COL4A5: variants seen among roughly 807,000 people sequenced by gnomAD.
The protein encoded by COL4A5 is collagen alpha-5(IV) chain.
Under a neutral mutation model 130.2 loss-of-function variants are expected in COL4A5, and 26 were observed. The observed-to-expected ratio is 0.20, with a 90% CI of 0.15 to 0.28. The LOEUF is 0.28. Ranked by LOEUF, COL4A5 falls within the 10% of genes least tolerant of loss-of-function variation. COL4A5 has a pLI of 1.00. For missense variants in COL4A5, 1,131 were observed against 1,344.3 expected, an observed-to-expected ratio of 0.84 and a Z score of 2.48; for synonymous variants, 496 against 439.6, an observed-to-expected ratio of 1.13 and a Z score of -1.60.
At chrX:108,498,216 G>A (rs921987402) in intron 1 of COL4A5, among the ~76,000 whole-genome samples, 1 of 110,721 alleles carries the variant, frequency 9.0e-6, no homozygotes, top group Non-Finnish European at 1.9e-5. Context: ...TTAAAATATG[G>A]GTATACTGTT....
intron 1 of COL4A5, among the ~76,000 whole-genome samples, chrX:108,474,947 T>C (rs1164139617): frequency 9.0e-6 from 1 of 111,637 alleles, no homozygotes; most frequent in Non-Finnish European, 1.9e-5. Context: ...TCTTATTCCA[T>C]TGGTTGATAT....
rs56224167 is a variant in COL4A5 at position 108,576,247 on chromosome X, A to G, written c.609+275A>G. ...TCTTGATGTATCAGTGTTGAAGTCAATTCTGGCCATTTCAGAAAGTCTTTT... is the reference window on the plus strand; with the variant it reads ...TCTTGATGTATCAGTGTTGAAGTCAGTTCTGGCCATTTCAGAAAGTCTTTT... On this transcript the variant is annotated intron_variant, in intron 10 of 52. Transcript: ENST00000328300. 6.8e-3 allele frequency among the ~76,000 whole-genome samples: 763 copies of G among 112,020 alleles called. 5 individuals carry two copies. Among genetic ancestry groups the G allele is most frequent in the Non-Finnish European group, 0.011 (574 of 53,171 alleles).
rs377027508 is a variant in COL4A5 at position 108,665,592 on chromosome X, G to T, written c.3454+5G>T. The T allele has an allele frequency of 2.6e-6, 3 of 1,167,456 alleles. No individual in the cohort carries two copies. The highest frequency in any genetic ancestry group is 3.5e-5 in the African/African-American group (2 of 56,534). On this transcript the variant is annotated splice_donor_5th_base_variant and intron_variant, in intron 38 of 52. Coordinates refer to ENST00000328300, the MANE Select transcript of COL4A5 (RefSeq NM_033380.3). ...CAGGAGAACCTGGTCCTGTAGGTAAGCATGAAAAATAACAGTTTGCTGTTT... is the reference window on the plus strand; with the variant it reads ...CAGGAGAACCTGGTCCTGTAGGTAATCATGAAAAATAACAGTTTGCTGTTT...
intron 47 of COL4A5, among the ~76,000 whole-genome samples, chrX:108,683,245 G>A (rs760793172): frequency 6.6e-4 from 74 of 111,289 alleles, no homozygotes; most frequent in African/African-American, 2.3e-3. Context: ...TGTTCCATTG[G>A]TCTATATATC....
rs185744758 is a variant in COL4A5, at chrX:108,549,567, T to G, written c.142-9497T>G. Among the ~76,000 whole-genome samples, 3 of 111,190 alleles carry G rather than the reference T, an allele frequency of 2.7e-5. No homozygotes were observed. The Admixed American group carries it at 2.9e-4, about 11-fold the overall frequency. ...GTTACATATTGTTGAAAACTGAAAATTTTGGAATGGGGTTAAAGCAGGGCA... is the reference window on the plus strand; with the variant it reads ...GTTACATATTGTTGAAAACTGAAAAGTTTGGAATGGGGTTAAAGCAGGGCA... On this transcript the variant is annotated intron_variant, in intron 2 of 52. Coordinates refer to ENST00000328300, the MANE Select transcript of COL4A5 (RefSeq NM_033380.3).
intron 36 of COL4A5, among the ~76,000 whole-genome samples, chrX:108,646,602 A>G (rs2067595517): frequency 9.0e-6 from 1 of 111,345 alleles, no homozygotes; most frequent in African/African-American, 3.3e-5. Context: ...CCATTTGTCA[A>G]TTTTGGCTTT....
At chrX:108,635,881 A>G (rs1446410638) in intron 36 of COL4A5, among the ~76,000 whole-genome samples, 1 of 112,628 alleles carries the variant, frequency 8.9e-6, no homozygotes, top group Admixed American at 9.4e-5. Context: ...CAGAAGCAGA[A>G]AACCAAATAG....
At chrX:108,628,862 C>T (rs1350620302) in intron 36 of COL4A5, among the ~76,000 whole-genome samples, 1 of 111,826 alleles carries the variant, frequency 8.9e-6, no homozygotes, top group Non-Finnish European at 1.9e-5. Flanking sequence ...CTGAACAAAA[C>T]AGACAAACTT....
chrX:108,472,573 A>G (rs1002822493), intron 1 of COL4A5, among the ~76,000 whole-genome samples: 4 of 111,807 alleles, frequency 3.6e-5, no homozygotes, highest in Non-Finnish European at 7.5e-5. Flanking sequence ...AATAAATAAT[A>G]TTGTTGTCTT....
Position 108,686,123 on chromosome X carries a change from C to G in COL4A5, c.4309C>G (p.Gln1437Glu), listed in dbSNP as rs143778018. 6.9e-5 allele frequency: 83 copies of G among 1,204,857 alleles called. 1 individual carries two copies. The highest frequency in any genetic ancestry group is 5.6e-4 in the East Asian group (19 of 33,675). Residue 1437 changes from glutamine to glutamate, a missense_variant, in exon 48 of 53, where the codon CAG becomes GAG. Transcript: ENST00000328300. ...CAAAGGAGACCCAGGTCTGCCAGGA[C>G]AGCCAGGTAAGACAAGTAAAACATG... ...GRKGDPGLPG[Q>E]PGTRGLDGPP...
intron 1 of COL4A5, among the ~76,000 whole-genome samples, chrX:108,516,609 G>T: frequency 9.0e-6 from 1 of 111,376 alleles, no homozygotes; most frequent in South Asian, 3.8e-4. Flanking sequence ...ATAAAATTAA[G>T]GTTCATCTTA....
chrX:108,524,942 T>C (rs1171188860), intron 1 of COL4A5, among the ~76,000 whole-genome samples: 1 of 111,804 alleles, frequency 8.9e-6, no homozygotes, highest in Admixed American at 9.5e-5. Flanking sequence ...TTCTATGCAT[T>C]CTTGAGAAAA....
chrX:108,565,379 T>G (rs898068507), intron 4 of COL4A5, among the ~76,000 whole-genome samples: 1 of 112,304 alleles, frequency 8.9e-6, no homozygotes, highest in African/African-American at 3.2e-5. Flanking sequence ...ATTTTGATAG[T>G]TTTGTTTAAC....
intron 1 of COL4A5, among the ~76,000 whole-genome samples, chrX:108,500,404 C>T (rs1355573013): frequency 8.9e-6 from 1 of 111,907 alleles, no homozygotes; most frequent in African/African-American, 3.3e-5. Flanking sequence ...ATTGTCACAG[C>T]AAAATGCATT....
At chrX:108,659,588 A>G (rs1053103813) in intron 37 of COL4A5, among the ~76,000 whole-genome samples, 3 of 110,468 alleles carry the variant, frequency 2.7e-5, no homozygotes, top group African/African-American at 9.8e-5. Context: ...TTAGGTATAT[A>G]TAAATTCAGG....
chrX:108,440,629 C>G (rs1358463693), intron 1 of COL4A5: 3 of 142,714 alleles, frequency 2.1e-5, no homozygotes, highest in African/African-American at 9.6e-5. Flanking sequence ...AATATTTTGG[C>G]TCTTCGAAAA....
rs1380762378 is a variant in COL4A5, at chrX:108,697,150, G to T, written c.*772G>T. 9.0e-6 allele frequency: 1 copy of T among 111,254 alleles called. No homozygotes were observed. Among genetic ancestry groups the T allele is most frequent in the Non-Finnish European group, 1.9e-5 (1 of 53,020 alleles). The allele number at this position is 111,254 out of a possible 1,213,427, so 9.2% of individuals were successfully genotyped here. On this transcript the variant is annotated 3_prime_UTR_variant, in exon 53 of 53. Transcript: ENST00000328300. ...ATTATAATATCTAATGGAGCAATTTGTCTTTTGCTATATTCTCCAAGATTA... is the reference window on the plus strand; with the variant it reads ...ATTATAATATCTAATGGAGCAATTTTTCTTTTGCTATATTCTCCAAGATTA...
intron 44 of COL4A5, among the ~76,000 whole-genome samples, chrX:108,678,569 A>G (rs1226904385): frequency 9.0e-6 from 1 of 111,471 alleles, no homozygotes; most frequent in Non-Finnish European, 1.9e-5. Context: ...GATTGTTTAT[A>G]TTTTATAAAA....
chrX:108,577,412 A>G (rs1372259770), intron 10 of COL4A5, among the ~76,000 whole-genome samples: 1 of 107,806 alleles, frequency 9.3e-6, no homozygotes, highest in Admixed American at 1.0e-4. Flanking sequence ...AAAGAAAGAA[A>G]TGCCACCAAG....
Sources: gnomAD v4.1 joint callset for allele counts (sites outside exome capture counted in the v4.1 genomes callset) on GRCh38, gnomAD v4.1.1 for gene constraint, MANE v1.5 for transcripts, NCBI Gene and HGNC (gene_info 2026-07-23, HGNC 2026-07-21) for gene names.